ARVCF: variants seen among roughly 807,000 people sequenced by gnomAD.
The protein encoded by ARVCF is ARVCF delta catenin family member.
ARVCF carries 66 observed loss-of-function variants against 90.9 expected under a neutral mutation model. The ratio of observed to expected loss-of-function variants is 0.73; its 90% CI spans 0.60 to 0.89. The LOEUF is 0.89. ARVCF is among the 40% of genes least tolerant of loss of function. ARVCF has a pLI of 0.00. For synonymous variants in ARVCF, 653 were observed against 603.4 expected, an observed-to-expected ratio of 1.08 and a Z score of -1.21; for missense variants, 1,469 against 1,382.3, an observed-to-expected ratio of 1.06 and a Z score of -1.00.
chr22:19,979,435 G>T (rs1420375115), intron 6 of ARVCF: 4 of 540,972 alleles, frequency 7.4e-6, no homozygotes, highest in Non-Finnish European at 1.3e-5. Flanking sequence ...CCACTGCACG[G>T]TTGGGGTGGG....
intron 2 of ARVCF, among the ~76,000 whole-genome samples, chr22:19,994,966 G>A (rs1944189016): frequency 6.6e-6 from 1 of 151,936 alleles, no homozygotes; most frequent in African/African-American, 2.4e-5. Flanking sequence ...GGGAATGAGG[G>A]GTATGGACAG....
chr22:19,996,409 C>T (rs17817568), intron 2 of ARVCF, among the ~76,000 whole-genome samples: 2,377 of 151,972 alleles, frequency 0.016, 34 homozygotes, highest in East Asian at 0.067. Context: ...GATGAAATGA[C>T]GGGTGCTGGC....
chr22:20,000,337 G>C (rs1308422472), intron 2 of ARVCF, among the ~76,000 whole-genome samples: 2 of 152,346 alleles, frequency 1.3e-5, no homozygotes, highest in South Asian at 2.1e-4. Context: ...CCTCTGCTGG[G>C]AGCCAGCTCC....
At chr22:19,986,690 A>T (rs1943787704) in intron 3 of ARVCF, 1 of 203,732 alleles carries the variant, frequency 4.9e-6, no homozygotes, top group African/African-American at 2.3e-5. Flanking sequence ...CTTCCTGCAC[A>T]GACAGAAGCC....
At chr22:20,006,061 A>T (rs1030567022) in intron 2 of ARVCF, among the ~76,000 whole-genome samples, 2 of 152,196 alleles carry the variant, frequency 1.3e-5, no homozygotes, top group African/African-American at 4.8e-5. Flanking sequence ...AAGGCATCTA[A>T]AGTAGTCAAA....
chr22:19,971,294 C>T lies in ARVCF; in HGVS notation c.2823G>A (p.Arg941=). ...SRKAPPPGPS[R]PAVRLVDAVG... ...CGGCGTCCACCAGCCTGACCGCGGG[C>T]CTGCTGGGCCCGGGGGGAGGGGCCT... Residue 941 remains arginine, a synonymous_variant, in exon 19 of 20, where the codon AGG becomes AGA. Transcript: ENST00000263207. The T allele has an allele frequency of 6.4e-7, 1 of 1,556,392 alleles. No homozygotes were observed. Among genetic ancestry groups the T allele is most frequent in the Middle Eastern group, 1.7e-4 (1 of 5,996 alleles).
chr22:19,966,431 C>A (rs528932065), downstream of ARVCF, among the ~76,000 whole-genome samples: 2 of 91,992 alleles, frequency 2.2e-5, no homozygotes, highest in Admixed American at 1.1e-4. Flanking sequence ...GAATGAGTTC[C>A]CCCTTAAAAA....
chr22:19,990,274 A>G (rs1005244223), intron 3 of ARVCF, among the ~76,000 whole-genome samples: 2 of 152,194 alleles, frequency 1.3e-5, no homozygotes, highest in Admixed American at 6.5e-5. Flanking sequence ...GGTGCAGGCA[A>G]ACCCCTAAAG....
intron 8 of ARVCF, 148 bp downstream of exon 8, chr22:19,977,810 G>T: frequency 9.3e-7 from 1 of 1,080,892 alleles, no homozygotes; most frequent in Non-Finnish European, 1.3e-6. Context: ...CCACTTCAGT[G>T]TGGTCACTGC....
downstream of ARVCF, chr22:19,968,910 CTTT>C (rs14968): frequency 3.2e-6 from 2 of 624,560 alleles, no homozygotes; most frequent in African/African-American, 3.6e-5. Context: ...CTGGATTGTT[CTTT>C]TTTAAGACTC....
At chr22:19,972,056 G>A (rs1942840765) in intron 17 of ARVCF, 85 bp from the exon 18 acceptor site, 1 of 1,294,052 alleles carries the variant, frequency 7.7e-7, no homozygotes, top group South Asian at 1.4e-5. Context: ...CAGACACAGG[G>A]GACTCGTGGG....
intron 2 of ARVCF, among the ~76,000 whole-genome samples, chr22:19,991,657 G>T (rs1211421005): frequency 1.3e-5 from 2 of 152,260 alleles, no homozygotes; most frequent in Non-Finnish European, 2.9e-5. Flanking sequence ...CAGAGCCCCA[G>T]GGGAGCAGGC....
chr22:20,016,648 G>A lies in ARVCF; in HGVS notation c.-132C>T, dbSNP rs1250310812. Reference sequence around the variant, plus strand: ...CTCGGACCCCAGAAGGGCTTCCCCGGGTCCGTTGGCGCGCGGGGAGCGGCG... The same window carrying A: ...CTCGGACCCCAGAAGGGCTTCCCCGAGTCCGTTGGCGCGCGGGGAGCGGCG... On this transcript the variant is annotated 5_prime_UTR_variant, in exon 1 of 20. Coordinates refer to ENST00000263207, the MANE Select transcript of ARVCF (RefSeq NM_001670.3). 6.6e-6 allele frequency: 1 copy of A among 151,196 alleles called. No individual in the cohort carries two copies. The highest frequency in any genetic ancestry group is 2.4e-5 in the African/African-American group (1 of 41,232). 9.4% of individuals were successfully genotyped at this position (151,196 alleles called of 1,614,324 possible).
chr22:19,990,664 G>A lies in ARVCF; in HGVS notation c.131C>T (p.Ala44Val), dbSNP rs1310242568. The A allele has an allele frequency of 2.5e-6, 4 of 1,607,654 alleles. No homozygotes were observed. In the South Asian group the frequency reaches 4.5e-5, roughly 18 times the overall value. ...RRHVALQLERAQQPGMVSGGM... is the reference protein window; with the variant it reads ...RRHVALQLERVQQPGMVSGGM... ...ACCACTGACCATGCCAGGCTGCTGG[G>A]CACGCTCCAGCTGTAGGGCAACATG... The change falls in exon 3 of 20, where the codon GCC becomes GTC. Residue 44 changes from alanine (A) to valine (V), a missense_variant. By Grantham distance (64) the Ala-to-Val change is moderately conservative. Coordinates refer to ENST00000263207, the MANE Select transcript of ARVCF (RefSeq NM_001670.3).
chr22:19,988,129 A>T (rs1012868263), intron 3 of ARVCF, among the ~76,000 whole-genome samples: 1 of 152,178 alleles, frequency 6.6e-6, no homozygotes, highest in Non-Finnish European at 1.5e-5. Context: ...GACCCCTCAG[A>T]AAACAGCCTC....
At chr22:19,989,223 G>A (rs965960446) in intron 3 of ARVCF, among the ~76,000 whole-genome samples, 1 of 152,034 alleles carries the variant, frequency 6.6e-6, no homozygotes, top group African/African-American at 2.4e-5. Flanking sequence ...CCAGCACCGA[G>A]ACCCACCAGA....
At chr22:19,997,787 T>C (rs530038702) in intron 2 of ARVCF, among the ~76,000 whole-genome samples, 13 of 152,288 alleles carry the variant, frequency 8.5e-5, no homozygotes, top group Admixed American at 2.0e-4. Flanking sequence ...ATGAAGTTTG[T>C]AGGAGTGTGG....
At chr22:20,011,047 G>A (rs1426023081) in intron 1 of ARVCF, among the ~76,000 whole-genome samples, 2 of 152,260 alleles carry the variant, frequency 1.3e-5, no homozygotes, top group Non-Finnish European at 2.9e-5. Flanking sequence ...GGGGAAGCAG[G>A]CAGGTTCCTG....
chr22:19,968,905 T>C (rs973669692), downstream of ARVCF: 17 of 632,588 alleles, frequency 2.7e-5, no homozygotes, highest in African/African-American at 2.3e-4. Context: ...CAACACTGGA[T>C]TGTTCTTTTT....
Sources: gnomAD v4.1 joint callset for allele counts (sites outside exome capture counted in the v4.1 genomes callset) on GRCh38, gnomAD v4.1.1 for gene constraint, MANE v1.5 for transcripts, NCBI Gene and HGNC (gene_info 2026-07-23, HGNC 2026-07-21) for gene names.